Variants in F11 observed in about 807,000 individuals in gnomAD.
F11 encodes coagulation factor XI.
Under a neutral mutation model 76.5 loss-of-function variants are expected in F11, and 78 were observed. The observed-to-expected ratio is 1.02, with a 90% CI of 0.85 to 1.23. The LOEUF is 1.23. F11 is among the 50% of genes most tolerant of loss of function. F11 has a pLI of 0.00. For synonymous variants in F11, 278 were observed against 276.3 expected (o/e 1.01, Z -0.06); for missense variants, 742 against 771.4 (o/e 0.96, Z 0.45).
intron 5 of F11, among the ~76,000 whole-genome samples, chr4:186,275,499 A>T (rs902710087): frequency 1.9e-4 from 7 of 37,126 alleles, no homozygotes; most frequent in Middle Eastern, 7.6e-3. Flanking sequence ...CGTCTCAAAT[A>T]AAAAAAAACA....
chr4:186,283,030 C>A lies in F11; in HGVS notation c.1136-1062C>A, dbSNP rs191211782. 4.1e-6 allele frequency: 4 copies of A among 985,368 alleles called. No homozygotes were observed. The East Asian group carries it at 3.4e-4, about 84-fold the overall frequency. The allele number at this position is 985,368 out of a possible 1,614,324, so 61.0% of individuals were successfully genotyped here. On this transcript the variant is annotated intron_variant, in intron 10 of 14. Coordinates refer to ENST00000403665, the MANE Select transcript of F11 (RefSeq NM_000128.4). ...TCCTCCCTTAGCTCAGGACGCGGAG[C>A]CTTCTGAGCACCTGAGCCTGGTTAT...
rs577748178 is a variant in F11 at position 186,276,002 on chromosome 4, A to G, written c.595+106A>G. ...TTATGCTCACGATGAAACGGACCCA[A>G]AGATCTTTACCTTCTTCATGTGATA... On this transcript the variant is annotated intron_variant, in intron 6 of 14. Transcript: ENST00000403665. 3.9e-4 allele frequency: 403 copies of G among 1,031,724 alleles called. 1 individual carries two copies. The highest frequency in any genetic ancestry group is 5.4e-4 in the Non-Finnish European group (365 of 678,996). The allele number at this position is 1,031,724 out of a possible 1,614,324, so 63.9% of individuals were successfully genotyped here.
At chr4:186,266,906 CT>C (rs199880859) in intron 1 of F11, among the ~76,000 whole-genome samples, 1 of 152,150 alleles carries the variant, frequency 6.6e-6, no homozygotes, top group African/African-American at 2.4e-5. Flanking sequence ...CGCTGCTTCC[CT>C]GTGGGTTCCG....
intron 10 of F11, among the ~76,000 whole-genome samples, 190 bp downstream of exon 10, chr4:186,280,770 A>G (rs1201007438): frequency 1.3e-5 from 2 of 152,088 alleles, no homozygotes; most frequent in Non-Finnish European, 2.9e-5. Flanking sequence ...TTGAGGCTTG[A>G]CTAAACTGTA....
At chr4:186,269,958 G>A (rs187080106) in intron 2 of F11, among the ~76,000 whole-genome samples, 193 of 152,094 alleles carry the variant, frequency 1.3e-3, no homozygotes, top group African/African-American at 4.0e-3. Context: ...ACGTAATAGC[G>A]GAATATTGAA....
chr4:186,280,856 C>CTTTTTTTTTTTTT (rs33985758), intron 10 of F11, among the ~76,000 whole-genome samples: 1 of 108,174 alleles, frequency 9.2e-6, no homozygotes, highest in Non-Finnish European at 1.8e-5. Context: ...TTCTTTCTTT[C>CTTTTTTTTTTTTT]TTTTTTTTTT....
chr4:186,288,508 G>A lies in F11; in HGVS notation c.1772G>A (p.Gly591Asp), dbSNP rs1580110270. 6.2e-7 allele frequency: 1 copy of A among 1,614,080 alleles called. No homozygotes were observed. The highest frequency in any genetic ancestry group is 1.3e-5 in the African/African-American group (1 of 74,930). The change falls in exon 15 of 15, where the codon GGC becomes GAC. Residue 591 changes from glycine to aspartate, a missense_variant. Coordinates refer to ENST00000403665, the MANE Select transcript of F11 (RefSeq NM_000128.4). ...CACAATGAGGTCTGGCATCTGGTAG[G>A]CATCACGAGCTGGGGCGAAGGCTGT... The part of the protein sequence containing the change: ...CKHNEVWHLV[G>D]ITSWGEGCAQ...
chr4:186,280,135 T>A lies in F11; in HGVS notation c.865+14T>A. 6.2e-7 allele frequency: 1 copy of A among 1,614,034 alleles called. No individual in the cohort carries two copies. Among genetic ancestry groups the A allele is most frequent in the African/African-American group, 1.3e-5 (1 of 75,038 alleles). On this transcript the variant is annotated intron_variant, in intron 8 of 14. Coordinates refer to ENST00000403665, the MANE Select transcript of F11 (RefSeq NM_000128.4). ...ACAGCATCCCAGGTAAACTGAGAGT[T>A]CTGCATTCTGGCTGAGAGTGACCAG...
intron 10 of F11, 184 bp from the exon 11 acceptor site, chr4:186,283,908 C>A: frequency 3.2e-6 from 1 of 313,622 alleles, no homozygotes; most frequent in Non-Finnish European, 4.6e-6. Context: ...TACAAGATGA[C>A]TTAGTCAATT....
In F11 at chr4:186,288,488, T is replaced by C. The variant is rs911071154; in HGVS notation, c.1752T>C (p.Asn584=). The part of the protein sequence containing the change: ...DSGGPLSCKH[N]EVWHLVGITS... The stretch of plus-strand genomic sequence containing the variant: ...GAGGCCCTCTGTCCTGCAAACACAA[T>C]GAGGTCTGGCATCTGGTAGGCATCA... Residue 584 remains asparagine (N), a synonymous_variant, in exon 15 of 15, where the codon AAT becomes AAC. Coordinates refer to ENST00000403665, the MANE Select transcript of F11 (RefSeq NM_000128.4). The C allele has an allele frequency of 2.5e-6, 4 of 1,614,058 alleles. No homozygotes were observed. The highest frequency in any genetic ancestry group is 3.4e-6 in the Non-Finnish European group (4 of 1,179,986).
chr4:186,287,834 G>A lies in F11; in HGVS notation c.1716+11G>A. 1 of 1,610,662 alleles carries A rather than the reference G, an allele frequency of 6.2e-7. No individual in the cohort carries two copies. The highest frequency in any genetic ancestry group is 1.3e-5 in the African/African-American group (1 of 74,882). ...AAGGACGCTTGCAAGGTAACAGAGTGTTCTTAGCCAATGGAATATATGCAA... is the reference window on the plus strand; with the variant it reads ...AAGGACGCTTGCAAGGTAACAGAGTATTCTTAGCCAATGGAATATATGCAA... On this transcript the variant is annotated intron_variant, in intron 14 of 14. Transcript: ENST00000403665.
In F11 at chr4:186,286,986, T is replaced by C. The variant is rs553017039; in HGVS notation, c.1576+476T>C. On this transcript the variant is annotated intron_variant, in intron 13 of 14. Coordinates refer to ENST00000403665, the MANE Select transcript of F11 (RefSeq NM_000128.4). ...ATAGACATGAGTTTTGTGTTGTTGTTGTTTTGAGATGGACTCTCGCTCTGT... is the reference window on the plus strand; with the variant it reads ...ATAGACATGAGTTTTGTGTTGTTGTCGTTTTGAGATGGACTCTCGCTCTGT... Among the ~76,000 whole-genome samples, 15 of 152,236 alleles carry C rather than the reference T, an allele frequency of 9.9e-5. No individual in the cohort carries two copies. The East Asian group carries it at 2.1e-3, about 22-fold the overall frequency.
At chr4:186,274,018 G>A in intron 4 of F11, 98 bp from the exon 5 acceptor site, 19 of 1,347,304 alleles carry the variant, frequency 1.4e-5, no homozygotes, top group African/African-American at 2.9e-5. Context: ...GAGGAAAGGT[G>A]GGTGAAAAAG....
Position 186,288,872 on chromosome 4 carries a change from A to C in F11, c.*258A>C. 2.2e-6 allele frequency: 1 copy of C among 463,352 alleles called. No individual in the cohort carries two copies. Among genetic ancestry groups the C allele is most frequent in the South Asian group, 2.1e-5 (1 of 48,048 alleles). The allele number at this position is 463,352 out of a possible 1,614,324, so 28.7% of individuals were successfully genotyped here. On this transcript the variant is annotated 3_prime_UTR_variant, in exon 15 of 15. Coordinates refer to ENST00000403665, the MANE Select transcript of F11 (RefSeq NM_000128.4). ...TCTATGGAGTCCAAGAATTACCATA[A>C]GGCAATATTTCTGAAGATTACTATA... is the stretch of plus-strand genomic sequence containing the variant.
chr4:186,276,179 T>C, intron 6 of F11, 52 bp from the exon 7 acceptor site: 1 of 1,611,376 alleles, frequency 6.2e-7, no homozygotes, highest in Admixed American at 1.7e-5. Flanking sequence ...TGACCGGAAT[T>C]TTCCTGATAG....
chr4:186,272,957 T>C (rs1450177630), intron 3 of F11, 114 bp from the exon 4 acceptor site: 2 of 667,614 alleles, frequency 3.0e-6, no homozygotes, highest in East Asian at 2.8e-5. Context: ...TGTTTTGGCA[T>C]GAGATAAAGT....
chr4:186,289,460 T>C lies in F11; in HGVS notation c.*846T>C, dbSNP rs988525367. Among the ~76,000 whole-genome samples the C allele has an allele frequency of 1.3e-5, 2 of 152,146 alleles. No individual in the cohort carries two copies. Among genetic ancestry groups the C allele is most frequent in the East Asian group, 1.9e-4 (1 of 5,186 alleles). Reference sequence around the variant, plus strand: ...TATATTTATTTGACAAAAATCACCATAGACTGCATCCATACTACAGAGAAA... The same window carrying C: ...TATATTTATTTGACAAAAATCACCACAGACTGCATCCATACTACAGAGAAA... On this transcript the variant is annotated 3_prime_UTR_variant, in exon 15 of 15. Coordinates refer to ENST00000403665, the MANE Select transcript of F11 (RefSeq NM_000128.4).
At chr4:186,283,858 G>A (rs774235076) in intron 10 of F11, among the ~76,000 whole-genome samples, 2 of 152,186 alleles carry the variant, frequency 1.3e-5, no homozygotes, top group Non-Finnish European at 2.9e-5. Context: ...CAGCCTTGTA[G>A]TACCACACAA....
intron 2 of F11, 130 bp from the exon 3 acceptor site, chr4:186,271,479 C>T: frequency 9.9e-7 from 1 of 1,006,376 alleles, no homozygotes; most frequent in Non-Finnish European, 1.6e-6. Flanking sequence ...GTGTTTATTG[C>T]CTTGATTTCC....
Sources: allele counts gnomAD v4.1 joint callset (sites outside exome capture counted in the v4.1 genomes callset), GRCh38; gene constraint gnomAD v4.1.1; transcripts MANE v1.5; gene names NCBI Gene and HGNC (gene_info 2026-07-23, HGNC 2026-07-21).